The following FER variants were observed in gnomAD, a reference collection of about 807,000 sequenced individuals.
FER encodes the protein tyrosine-protein kinase Fer.
In FER, 63 loss-of-function variants were observed where a neutral mutation model predicts 111.0. The observed-to-expected ratio is 0.57, with a 90% confidence interval of 0.46 to 0.70. The LOEUF (loss-of-function observed/expected upper bound fraction) is 0.70. Ranked by LOEUF, FER falls within the 30% of genes least tolerant of loss-of-function variation. FER has a pLI of 0.00. For synonymous variants in FER, 327 were observed against 313.9 expected, an observed-to-expected ratio of 1.04 and a Z score of -0.44; for missense variants, 914 against 954.0, an observed-to-expected ratio of 0.96 and a Z score of 0.55.
chr5:109,064,799 G>A (rs557128459), intron 16 of FER, among the ~76,000 whole-genome samples: 2 of 152,258 alleles, frequency 1.3e-5, no homozygotes, highest in Admixed American at 6.5e-5. Flanking sequence ...ACAATTGAAA[G>A]TGTAGGAGTT....
intron 17 of FER, among the ~76,000 whole-genome samples, chr5:109,158,930 A>C (rs1292342489): frequency 1.3e-5 from 2 of 152,214 alleles, no homozygotes; most frequent in Non-Finnish European, 2.9e-5. Context: ...AGTCATTTAA[A>C]ATAATTATTA....
intron 9 of FER, among the ~76,000 whole-genome samples, chr5:108,897,044 G>A (rs1378918138): frequency 1.3e-5 from 2 of 152,164 alleles, no homozygotes; most frequent in African/African-American, 2.4e-5. Context: ...ACAACCTGTG[G>A]CCCTGTACTT....
chr5:109,063,276 G>A (rs1006940898), intron 16 of FER, among the ~76,000 whole-genome samples: 1 of 152,060 alleles, frequency 6.6e-6, no homozygotes, highest in South Asian at 2.1e-4. Flanking sequence ...CCCATTTATT[G>A]TGAAATTTTA....
chr5:109,036,389 G>GTATT (rs1173304141), intron 13 of FER, among the ~76,000 whole-genome samples: 2 of 151,962 alleles, frequency 1.3e-5, no homozygotes, highest in African/African-American at 2.4e-5. Context: ...TTGCCACATG[G>GTATT]TATTTCAGAA....
chr5:109,052,891 A>G (rs1450715788), intron 16 of FER, among the ~76,000 whole-genome samples: 1 of 152,210 alleles, frequency 6.6e-6, no homozygotes, highest in East Asian at 1.9e-4. Context: ...AAATCTTATT[A>G]GTGAACTTTT....
chr5:108,905,066 C>G (rs1175789729), intron 10 of FER, among the ~76,000 whole-genome samples: 1 of 151,972 alleles, frequency 6.6e-6, no homozygotes, highest in Admixed American at 6.6e-5. Context: ...TGATTCAGGT[C>G]AAGATTCCAT....
intron 5 of FER, among the ~76,000 whole-genome samples, chr5:108,845,017 T>TGTATATATATATATATATATATAC (rs1761796902): frequency 1.9e-5 from 1 of 52,218 alleles, no homozygotes; most frequent in Admixed American, 2.7e-4. Context: ...TATATATATA[T>TGTATATATATATATATATATATAC]ATATATATAT....
chr5:108,760,979 G>A (rs1019936068), intron 1 of FER, among the ~76,000 whole-genome samples: 6 of 151,452 alleles, frequency 4.0e-5, no homozygotes, highest in Non-Finnish European at 7.4e-5. Flanking sequence ...TGCCCAGGCT[G>A]GAGTGCAGTG....
chr5:108,915,429 C>A (rs1040161111), intron 10 of FER, among the ~76,000 whole-genome samples: 8 of 152,086 alleles, frequency 5.3e-5, no homozygotes, highest in African/African-American at 1.9e-4. Context: ...CGAGATTGCC[C>A]CATCAATCAA....
intron 16 of FER, among the ~76,000 whole-genome samples, chr5:109,075,668 C>T (rs1175867246): frequency 6.6e-6 from 1 of 151,978 alleles, no homozygotes; most frequent in African/African-American, 2.4e-5. Flanking sequence ...CGTGATCCAC[C>T]CTCCTTGGCC....
chr5:108,901,894 T>G (rs1050874866), intron 10 of FER, among the ~76,000 whole-genome samples: 1 of 152,208 alleles, frequency 6.6e-6, no homozygotes, highest in Admixed American at 6.5e-5. Flanking sequence ...GAGACTGCAG[T>G]GTTCCACGAT....
chr5:109,146,764 A>G (rs1754265164), intron 17 of FER, among the ~76,000 whole-genome samples: 4 of 152,078 alleles, frequency 2.6e-5, no homozygotes, highest in Admixed American at 2.6e-4. Context: ...AATGAACCAC[A>G]GAGGTTAATA....
At chr5:108,980,465 G>A (rs1438559285) in intron 13 of FER, among the ~76,000 whole-genome samples, 2 of 152,088 alleles carry the variant, frequency 1.3e-5, no homozygotes, top group Non-Finnish European at 2.9e-5. Context: ...ATAAACTCCT[G>A]TAATTGTTTT....
rs956179412 is a variant in FER, at chr5:108,791,554, T to C, written c.-59-6570T>C. 2.8e-5 allele frequency among the ~76,000 whole-genome samples: 4 copies of C among 144,216 alleles called. No homozygotes were observed. The Admixed American group carries it at 2.8e-4, about 10-fold the overall frequency. 94.6% of individuals were successfully genotyped at this position (144,216 alleles called of 152,430 possible). A position where few individuals can be genotyped will look rare whatever the true frequency, so the allele number is the denominator to read the frequency against. On this transcript the variant is annotated intron_variant, in intron 2 of 19. Transcript: ENST00000281092. ...CTTATCATATATATATACACACACA[T>C]ATGTGTATATACATATATATGATAT...
chr5:108,816,344 C>T (rs1018934948), intron 3 of FER, among the ~76,000 whole-genome samples: 1 of 152,214 alleles, frequency 6.6e-6, no homozygotes, highest in African/African-American at 2.4e-5. Flanking sequence ...GAGCCACACT[C>T]ATCCACATGT....
rs1554084619 is a variant in FER at position 108,879,701 on chromosome 5, A to ATAT, written c.924-3695_924-3694insTAT. Among the ~76,000 whole-genome samples the ATAT allele has an allele frequency of 2.3e-3, 232 of 99,092 alleles. 3 individuals carry two copies. The highest frequency in any genetic ancestry group is 9.5e-3 in the African/African-American group (199 of 20,894). The allele number at this position is 99,092 out of a possible 152,430, so 65.0% of individuals were successfully genotyped here. ...ATGTATTTTTTTTAGATTAAAAAAA[A>ATAT]ATATATATATATATATATATATATT... On this transcript the variant is annotated intron_variant, in intron 8 of 19. Coordinates refer to ENST00000281092, the MANE Select transcript of FER (RefSeq NM_005246.4).
At chr5:108,850,015 C>A (rs1349869968) in intron 5 of FER, among the ~76,000 whole-genome samples, 1 of 152,028 alleles carries the variant, frequency 6.6e-6, no homozygotes, top group South Asian at 2.1e-4. Flanking sequence ...CATTGTGAAA[C>A]CCCGTCTCTA....
intron 13 of FER, among the ~76,000 whole-genome samples, chr5:108,979,125 A>T (rs1018281285): frequency 1.3e-5 from 2 of 152,260 alleles, no homozygotes; most frequent in Middle Eastern, 3.4e-3. Context: ...GGCAAATTGC[A>T]TTTCCATTAT....
chr5:108,937,073 C>G (rs891924388), intron 10 of FER, among the ~76,000 whole-genome samples: 1 of 151,936 alleles, frequency 6.6e-6, no homozygotes, highest in Admixed American at 6.6e-5. Context: ...AACAATAGTT[C>G]AAGTAAATAT....
Sources: gnomAD v4.1 joint callset for allele counts (sites outside exome capture counted in the v4.1 genomes callset) on GRCh38, gnomAD v4.1.1 for gene constraint, MANE v1.5 for transcripts, NCBI Gene and HGNC (gene_info 2026-07-23, HGNC 2026-07-21) for gene names.